The following ADH7 variants were observed in gnomAD, a reference collection of about 807,000 sequenced individuals.
ADH7 encodes the protein alcohol dehydrogenase 7 (class IV), mu or sigma polypeptide, also known as all-trans-retinol dehydrogenase [NAD(+)] ADH7.
ADH7 carries 41 observed loss-of-function variants against 34.4 expected under a neutral mutation model. That is an observed-to-expected ratio of 1.19 (90% CI 0.93 to 1.55). The LOEUF is 1.55. ADH7 is among the 40% of genes most tolerant of loss of function. The probability of loss-of-function intolerance (pLI) is 0.00; values close to 1 mark genes in which losing one functional copy is unlikely to be tolerated. For synonymous variants in ADH7, 180 were observed against 160.9 expected, an observed-to-expected ratio of 1.12 and a Z score of -0.90; for missense variants, 540 against 461.2, an observed-to-expected ratio of 1.17 and a Z score of -1.56.
In ADH7 at chr4:99,419,709, A is replaced by G. The variant is rs191925998; in HGVS notation, c.826-588T>C. Among the ~76,000 whole-genome samples, 3 of 152,314 alleles carry G rather than the reference A, an allele frequency of 2.0e-5. No homozygotes were observed. In the East Asian group the frequency reaches 5.8e-4, roughly 29 times the overall value. The stretch of plus-strand genomic sequence containing the variant: ...TAGCAACTGGAAATCAGTAGGCTCT[A>G]ATGATATATCCAGTATCACATATGG... On this transcript the variant is annotated intron_variant, in intron 6 of 8. Coordinates refer to ENST00000437033, the MANE Select transcript of ADH7 (RefSeq NM_000673.7).
chr4:99,413,450 A>C (rs1035515464), intron 8 of ADH7, among the ~76,000 whole-genome samples: 11 of 152,212 alleles, frequency 7.2e-5, no homozygotes, highest in African/African-American at 2.7e-4. Context: ...GCCTAGGAAC[A>C]TGTGAACAGG....
intron 1 of ADH7, 23 bp from the exon 2 acceptor site, chr4:99,429,656 A>G: frequency 6.5e-7 from 1 of 1,548,682 alleles, no homozygotes; most frequent in Non-Finnish European, 8.9e-7. Flanking sequence ...CAAGTATTAT[A>G]ATGGGTCTGA....
Position 99,429,519 on chromosome 4 carries a change from G to T in ADH7, c.120+13C>A. On this transcript the variant is annotated intron_variant, in intron 2 of 8. Coordinates refer to ENST00000437033, the MANE Select transcript of ADH7 (RefSeq NM_000673.7). The stretch of plus-strand genomic sequence containing the variant: ...AACGCTTTTGGCTTAAGTTCTCTAG[G>T]GCTCACGCTTACCTTAATGCGAACT... 1 of 1,595,812 alleles carries T rather than the reference G, an allele frequency of 6.3e-7. No individual in the cohort carries two copies. The highest frequency in any genetic ancestry group is 8.6e-7 in the Non-Finnish European group (1 of 1,166,184).
intron 5 of ADH7, among the ~76,000 whole-genome samples, chr4:99,427,565 T>A (rs1721837093): frequency 6.6e-6 from 1 of 152,212 alleles, no homozygotes; most frequent in African/African-American, 2.4e-5. Flanking sequence ...TCAATAAATA[T>A]TCTCAAGTGT....
At chr4:99,428,383 C>G in intron 3 of ADH7, 109 bp downstream of exon 3, 1 of 1,390,514 alleles carries the variant, frequency 7.2e-7, no homozygotes, top group South Asian at 1.4e-5. Flanking sequence ...TTTTAATTCC[C>G]TGAATTGTGT....
At chr4:99,423,729 G>GT (rs1452682746) in intron 5 of ADH7, among the ~76,000 whole-genome samples, 2 of 151,726 alleles carry the variant, frequency 1.3e-5, no homozygotes, top group Non-Finnish European at 3.0e-5. Context: ...GGGGTTGTTT[G>GT]TTTTTTTCTT....
At position 99,420,529 on chromosome 4, in the gene ADH7, T is replaced by C. The variant is rs199514167; in HGVS notation, c.825+4A>G. 1.2e-6 allele frequency: 2 copies of C among 1,610,494 alleles called. No homozygotes were observed. Among genetic ancestry groups the C allele is most frequent in the Non-Finnish European group, 1.7e-6 (2 of 1,177,254 alleles). On this transcript the variant is annotated splice_donor_region_variant and intron_variant, in intron 6 of 8. Transcript: ENST00000437033. Reference sequence around the variant, plus strand: ...TTTGTGGCTTCTCAAATTTTGGGTCTTACCATGGTTTCAAGATGCCCAATA... The same window carrying C: ...TTTGTGGCTTCTCAAATTTTGGGTCCTACCATGGTTTCAAGATGCCCAATA...
Position 99,429,586 on chromosome 4 carries a change from G to A in ADH7, c.66C>T (p.Phe22=). ...GGGCAACTTCTATTTCCTCAATGGA[G>A]AAGGGTTGCTTCTGCTCCCAAAGCA... ...AAVLWEQKQP[F]SIEEIEVAPP... is the part of the protein sequence containing the mutation. Residue 22 remains phenylalanine (F), a synonymous_variant, in exon 2 of 9, where the codon TTC becomes TTT. Transcript: ENST00000437033. 6.2e-7 allele frequency: 1 copy of A among 1,612,468 alleles called. No homozygotes were observed. Among genetic ancestry groups the A allele is most frequent in the Non-Finnish European group, 8.5e-7 (1 of 1,179,232 alleles).
intron 5 of ADH7, among the ~76,000 whole-genome samples, chr4:99,423,436 C>A (rs1329200392): frequency 6.6e-6 from 1 of 151,750 alleles, no homozygotes; most frequent in Non-Finnish European, 1.5e-5. Flanking sequence ...AGCTCTAGAT[C>A]CCTGAGGAAT....
At chr4:99,432,176 G>T (rs1363135278) in intron 1 of ADH7, among the ~76,000 whole-genome samples, 1 of 152,108 alleles carries the variant, frequency 6.6e-6, no homozygotes, top group Non-Finnish European at 1.5e-5. Flanking sequence ...GACATGGAAG[G>T]AGCTGGAGGC....
chr4:99,420,769 C>A lies in ADH7; in HGVS notation c.589G>T (p.Val197Phe). The A allele has an allele frequency of 6.2e-7, 1 of 1,613,786 alleles. No homozygotes were observed. The highest frequency in any genetic ancestry group is 8.5e-7 in the Non-Finnish European group (1 of 1,179,872). The change falls in exon 6 of 9, where the codon GTC becomes TTC. Residue 197 changes from valine to phenylalanine, a missense_variant. Val to Phe is a conservative substitution (Grantham distance 50). Transcript: ENST00000437033. ...GKVKPGSTCV[V>F]FGLGGVGLSV... ...AGGCCAACTCCTCCCAGGCCAAAGA[C>A]GACGCAAGTGGAACCAGGTTTGACC...
At chr4:99,431,286 A>G (rs534480665) in intron 1 of ADH7, among the ~76,000 whole-genome samples, 127 of 152,304 alleles carry the variant, frequency 8.3e-4, no homozygotes, top group African/African-American at 2.9e-3. Flanking sequence ...CAGAAGATTG[A>G]AGCTAGACCC....
At chr4:99,415,291 G>GT (rs35672109) in intron 8 of ADH7, 187 bp downstream of exon 8, 62,816 of 551,520 alleles carry the variant, frequency 0.11, 18 homozygotes, top group Non-Finnish European at 0.13. Flanking sequence ...GTCTCGGGCA[G>GT]TTTTTTTTTT....
Position 99,412,582 on chromosome 4 carries a change from A to G in ADH7, c.*566T>C, listed in dbSNP as rs1721431864. 1 of 152,160 alleles carries G rather than the reference A, an allele frequency of 6.6e-6. No homozygotes were observed. The highest frequency in any genetic ancestry group is 1.5e-5 in the Non-Finnish European group (1 of 68,002). The allele number at this position is 152,160 out of a possible 1,614,324, so 9.4% of individuals were successfully genotyped here. A position where few individuals can be genotyped will look rare whatever the true frequency, so the allele number is the denominator to read the frequency against. On this transcript the variant is annotated 3_prime_UTR_variant, in exon 9 of 9. Coordinates refer to ENST00000437033, the MANE Select transcript of ADH7 (RefSeq NM_000673.7). ...AGTTTCACCAAGTTATGTAATGATG[A>G]TTCTTAATCGTTGAAAAATGTGCCC...
Position 99,412,984 on chromosome 4 carries a change from A to G in ADH7, c.*164T>C, listed in dbSNP as rs940184716. The stretch of plus-strand genomic sequence containing the variant: ...TTCCCAGGTGCTCACAAGACTTTAA[A>G]TGTTTATAAAGGTTAATAATTCTTT... On this transcript the variant is annotated 3_prime_UTR_variant, in exon 9 of 9. Transcript: ENST00000437033. The G allele has an allele frequency of 1.6e-5, 9 of 576,388 alleles. No individual in the cohort carries two copies. The highest frequency in any genetic ancestry group is 3.1e-5 in the South Asian group (1 of 32,270). The allele number at this position is 576,388 out of a possible 1,614,324, so 35.7% of individuals were successfully genotyped here.
chr4:99,417,715 G>A (rs539032638), intron 7 of ADH7, among the ~76,000 whole-genome samples: 54 of 152,206 alleles, frequency 3.5e-4, no homozygotes, highest in Non-Finnish European at 5.0e-4. Context: ...GGTACACTAT[G>A]TACACAATGG....
chr4:99,418,885 C>G, intron 7 of ADH7, 101 bp downstream of exon 7: 1 of 1,393,232 alleles, frequency 7.2e-7, no homozygotes, highest in Non-Finnish European at 9.8e-7. Context: ...TCACTTCATA[C>G]TCATTCTTGG....
chr4:99,429,025 C>A (rs1454055373), intron 2 of ADH7, among the ~76,000 whole-genome samples: 3 of 152,170 alleles, frequency 2.0e-5, no homozygotes, highest in Non-Finnish European at 4.4e-5. Context: ...CTTCCTGCTA[C>A]TGTTGTGCTC....
In ADH7 at chr4:99,412,529, CT is replaced by C. The variant is rs1484771638; in HGVS notation, c.*618del. 4 of 151,928 alleles carry C rather than the reference CT, an allele frequency of 2.6e-5. No individual in the cohort carries two copies. Among genetic ancestry groups the C allele is most frequent in the Non-Finnish European group, 5.9e-5 (4 of 67,950 alleles). 9.4% of individuals were successfully genotyped at this position (151,928 alleles called of 1,614,324 possible). On this transcript the variant is annotated 3_prime_UTR_variant, in exon 9 of 9. Transcript: ENST00000437033. ...ATATTAATATATGCTGGCAAATAGC[CT>C]TGTGTACCCATATGATATACTTTTT...
Sources: allele counts gnomAD v4.1 joint callset (sites outside exome capture counted in the v4.1 genomes callset), GRCh38; gene constraint gnomAD v4.1.1; transcripts MANE v1.5; gene names NCBI Gene and HGNC (gene_info 2026-07-23, HGNC 2026-07-21).